The following PES1 variants were observed in gnomAD, a reference collection of about 807,000 sequenced individuals.
PES1 encodes pescadillo homolog.
In PES1, 31 loss-of-function variants were observed where a neutral mutation model predicts 77.1. That is an observed-to-expected ratio of 0.40 (90% CI 0.30 to 0.54). The LOEUF is 0.54. Among genes scored for constraint, PES1 ranks in the 20% least tolerant of loss-of-function variants. The pLI is 0.45. For missense variants in PES1, 658 were observed against 771.7 expected, an observed-to-expected ratio of 0.85 and a Z score of 1.75; for synonymous variants, 282 against 303.0, an observed-to-expected ratio of 0.93 and a Z score of 0.72.
At chr22:30,605,978 G>C (rs550157413) in intron 1 of PES1, among the ~76,000 whole-genome samples, 11 of 152,194 alleles carry the variant, frequency 7.2e-5, no homozygotes, top group Non-Finnish European at 1.6e-4. Context: ...GGAACTGTTA[G>C]GATGATCTTG....
rs2086974525 is a variant in PES1, at chr22:30,580,900, T to G, written c.912+112A>C. On this transcript the variant is annotated intron_variant, in intron 9 of 14. Coordinates refer to ENST00000354694, the MANE Select transcript of PES1 (RefSeq NM_014303.4). Reference sequence around the variant, plus strand: ...CAATTCAGCCCATTCTTCTGCTCAGTTGCTTTGACCATCAAATAACACCTA... The same window carrying G: ...CAATTCAGCCCATTCTTCTGCTCAGGTGCTTTGACCATCAAATAACACCTA... 2.5e-6 allele frequency: 3 copies of G among 1,193,664 alleles called. No individual in the cohort carries two copies. The Admixed American group carries it at 6.4e-5, about 26-fold the overall frequency. 73.9% of individuals were successfully genotyped at this position (1,193,664 alleles called of 1,614,324 possible).
At chr22:30,592,450 A>G, upstream of PES1, 1 of 968,010 alleles carries the variant, frequency 1.0e-6, no homozygotes, top group African/African-American at 1.8e-5. Context: ...TAGAGATCCT[A>G]GAGGCCACTT....
intron 2 of PES1, among the ~76,000 whole-genome samples, chr22:30,597,554 ACT>A (rs1350733995): frequency 1.3e-5 from 2 of 150,748 alleles, no homozygotes; most frequent in Non-Finnish European, 2.9e-5. Context: ...ACCAATCGAC[ACT>A]CTATATCTAG....
chr22:30,584,853 G>A (rs1173174010), intron 4 of PES1, 136 bp from the exon 5 acceptor site: 3 of 834,096 alleles, frequency 3.6e-6, no homozygotes, highest in East Asian at 5.3e-5. Flanking sequence ...CCTGGCAGGA[G>A]CAGCTTCCCC....
rs1273703661 is a variant in PES1, at chr22:30,597,889, T to G, written c.-660-5491A>C. Among the ~76,000 whole-genome samples the G allele has an allele frequency of 3.7e-3, 533 of 144,030 alleles. 10 individuals carry two copies. Among genetic ancestry groups the G allele is most frequent in the Non-Finnish European group, 5.6e-3 (369 of 65,922 alleles). 94.5% of individuals were successfully genotyped at this position (144,030 alleles called of 152,430 possible). A position where few individuals can be genotyped will look rare whatever the true frequency, so the allele number is the denominator to read the frequency against. ...CCACGCAGTTGAAGTTTTGTTTTTT[T>G]TTTTTTTGTTTTGAGTCGGAGTCTC... is the stretch of plus-strand genomic sequence containing the variant. On this transcript the variant is annotated intron_variant, in intron 2 of 16. Coordinates refer to the PES1 transcript ENST00000402281.
chr22:30,603,332 T>G (rs1442151407), intron 2 of PES1, among the ~76,000 whole-genome samples: 1 of 152,130 alleles, frequency 6.6e-6, no homozygotes, highest in Non-Finnish European at 1.5e-5. Context: ...ATTTTATCTT[T>G]GCTTTCTCCT....
At chr22:30,597,984 C>G (rs1458111133) in intron 2 of PES1, among the ~76,000 whole-genome samples, 1 of 150,712 alleles carries the variant, frequency 6.6e-6, no homozygotes, top group East Asian at 2.0e-4. Flanking sequence ...CCCGGGTTCA[C>G]GCCATTCTCC....
At chr22:30,578,699 T>TGGGCC (rs1274014162) in intron 14 of PES1, 138 bp downstream of exon 14, 5 of 1,008,644 alleles carry the variant, frequency 5.0e-6, no homozygotes, top group East Asian at 4.8e-5. Context: ...AAGGCTGGGC[T>TGGGCC]GGGCCAGGCA....
intron 12 of PES1, 191 bp from the exon 13 acceptor site, chr22:30,579,494 C>A: frequency 1.1e-6 from 1 of 907,152 alleles, no homozygotes; most frequent in East Asian, 2.6e-5. Flanking sequence ...TCCAAGACCC[C>A]CAGTCCTGAG....
In PES1 at chr22:30,584,416, C is replaced by T; in HGVS notation, c.579G>A (p.Glu193=). The change falls in exon 6 of 15, where the codon GAG becomes GAA. Residue 193 remains glutamate (E), a synonymous_variant. Coordinates refer to ENST00000354694, the MANE Select transcript of PES1 (RefSeq NM_014303.4). ...TCCACACGATGGGCTGCCCCAGTAC[C>T]TCGGCCTGGTAGTAAATGCCTTTGA... ...LSIKGIYYQA[E]VLGQPIVWIT... is the part of the protein sequence containing the mutation. 1 of 1,612,634 alleles carries T rather than the reference C, an allele frequency of 6.2e-7. No individual in the cohort carries two copies. The highest frequency in any genetic ancestry group is 8.5e-7 in the Non-Finnish European group (1 of 1,179,320).
chr22:30,580,201 C>G, intron 10 of PES1, 23 bp from the exon 11 acceptor site: 1 of 1,597,900 alleles, frequency 6.3e-7, no homozygotes, highest in East Asian at 2.2e-5. Context: ...GGAGAGCCCA[C>G]ACGGGTACAC....
At chr22:30,596,438 G>A (rs1021553313), upstream of PES1, among the ~76,000 whole-genome samples, 4 of 151,094 alleles carry the variant, frequency 2.6e-5, no homozygotes, top group East Asian at 7.8e-4. Flanking sequence ...TCCTGCCTCA[G>A]CCTCTGAAAG....
rs984646435 is a variant in PES1, at chr22:30,584,231, G to A, written c.630+134C>T. 19 of 696,460 alleles carry A rather than the reference G, an allele frequency of 2.7e-5. No individual in the cohort carries two copies. The East Asian group carries it at 3.8e-4, about 14-fold the overall frequency. The allele number at this position is 696,460 out of a possible 1,614,324, so 43.1% of individuals were successfully genotyped here. A position where few individuals can be genotyped will look rare whatever the true frequency, so the allele number is the denominator to read the frequency against. ...AGGATGCTGTGTGGCACATTCTGCCGCGCCTCACCCCTCATCAACAGTTGG... is the reference window on the plus strand; with the variant it reads ...AGGATGCTGTGTGGCACATTCTGCCACGCCTCACCCCTCATCAACAGTTGG... On this transcript the variant is annotated intron_variant, in intron 6 of 14. Transcript: ENST00000354694.
Position 30,583,573 on chromosome 22 carries a change from G to A in PES1, c.630+792C>T, listed in dbSNP as rs147643635. On this transcript the variant is annotated intron_variant, in intron 6 of 14. Transcript: ENST00000354694. ...GGGGCACTAGAAGCTCCATGAGAGGGCAAAACCAGGGTTTCTCTCAGTGGA... is the reference window on the plus strand; with the variant it reads ...GGGGCACTAGAAGCTCCATGAGAGGACAAAACCAGGGTTTCTCTCAGTGGA... 6.5e-3 allele frequency among the ~76,000 whole-genome samples: 997 copies of A among 152,324 alleles called. 10 individuals carry two copies. Among genetic ancestry groups the A allele is most frequent in the South Asian group, 0.025 (120 of 4,824 alleles).
rs753833944 is a variant in PES1 at position 30,577,115 on chromosome 22, C to T, written c.1698G>A (p.Ala566=). 26 of 1,613,950 alleles carry T rather than the reference C, an allele frequency of 1.6e-5. No individual in the cohort carries two copies. Among genetic ancestry groups the T allele is most frequent in the South Asian group, 5.5e-5 (5 of 91,086 alleles). Residue 566 remains alanine, a synonymous_variant, in exon 15 of 15, where the codon GCG becomes GCA. Transcript: ENST00000354694. ...CCTCATCGTGGGCTTTCCGCTTCTCCGCCAGCTTGTTGGCCTGTGAGGGGG... is the reference window on the plus strand; with the variant it reads ...CCTCATCGTGGGCTTTCCGCTTCTCTGCCAGCTTGTTGGCCTGTGAGGGGG... ...RRKIREANKL[A]EKRKAHDEAV... is the part of the protein sequence containing the mutation.
At chr22:30,601,855 C>T (rs2087359548) in intron 2 of PES1, 3 of 151,790 alleles carry the variant, frequency 2.0e-5, no homozygotes, top group Non-Finnish European at 4.4e-5. Context: ...TCACTACAAT[C>T]TCTGCTTCCC....
At chr22:30,591,666 G>A (rs963761421) in intron 1 of PES1, 144 bp downstream of exon 1, 2 of 839,458 alleles carry the variant, frequency 2.4e-6, no homozygotes, top group African/African-American at 3.5e-5. Context: ...GTCCATTCTC[G>A]GACCCCTTCT....
intron 4 of PES1, among the ~76,000 whole-genome samples, chr22:30,585,595 G>A (rs919352615): frequency 2.6e-5 from 4 of 151,954 alleles, no homozygotes. Flanking sequence ...CTGCCTTCCA[G>A]GAAGCTACCT....
exon 1 of PES1, chr22:30,606,893 C>A: frequency 9.4e-7 from 1 of 1,059,420 alleles, no homozygotes; most frequent in African/African-American, 1.7e-5. Flanking sequence ...TAAGGAGTAC[C>A]GGGTAGGCAC....
Sources: allele counts gnomAD v4.1 joint callset (sites outside exome capture counted in the v4.1 genomes callset), GRCh38; gene constraint gnomAD v4.1.1; transcripts MANE v1.5; gene names NCBI Gene and HGNC (gene_info 2026-07-23, HGNC 2026-07-21).